Variants in NCOA4 observed in about 807,000 individuals in gnomAD.
NCOA4 encodes nuclear receptor coactivator 4, also known as 70 kDa AR-activator.
In NCOA4, 31 loss-of-function variants were observed where a neutral mutation model predicts 69.5. The observed-to-expected ratio is 0.45, with a 90% CI of 0.34 to 0.60. The LOEUF (loss-of-function observed/expected upper bound fraction) is 0.60. Ranked by LOEUF, NCOA4 falls within the 20% of genes least tolerant of loss-of-function variation. The pLI is 0.02. For missense variants in NCOA4, 600 were observed against 719.2 expected, an observed-to-expected ratio of 0.83 and a Z score of 1.90; for synonymous variants, 228 against 252.4, an observed-to-expected ratio of 0.90 and a Z score of 0.92.
chr10:46,008,019 T>C (rs1838956644), intron 9 of NCOA4, among the ~76,000 whole-genome samples: 1 of 152,204 alleles, frequency 6.6e-6, no homozygotes, highest in Non-Finnish European at 1.5e-5. Context: ...CAGCATGGTT[T>C]ACTGAATATT....
intron 1 of NCOA4, among the ~76,000 whole-genome samples, chr10:46,025,163 G>A (rs1357879947): frequency 6.6e-6 from 1 of 152,180 alleles, no homozygotes; most frequent in African/African-American, 2.4e-5. Flanking sequence ...GAAGCCAAAG[G>A]CCTGAGAACC....
chr10:46,024,939 A>G (rs1554925237), intron 1 of NCOA4, among the ~76,000 whole-genome samples: 2 of 152,186 alleles, frequency 1.3e-5, no homozygotes, highest in African/African-American at 4.8e-5. Flanking sequence ...GAGATGGAAC[A>G]TTATATAGAC....
chr10:46,013,486 T>C, intron 6 of NCOA4, 64 bp downstream of exon 6: 2 of 1,228,232 alleles, frequency 1.6e-6, no homozygotes, highest in Middle Eastern at 1.9e-4. Context: ...TAATGCTATA[T>C]AAAACCCAAA....
At position 46,006,241 on chromosome 10, in the gene NCOA4, G is replaced by C. The variant is rs11548236; in HGVS notation, c.*351C>G. ...GCTTTAGAATACATCAATATACTTC[G>C]ATAAACAAGAGTGTTTTAATGTACT... On this transcript the variant is annotated 3_prime_UTR_variant, in exon 10 of 10. Coordinates refer to ENST00000581486, the MANE Select transcript of NCOA4 (RefSeq NM_001145263.2). The C allele has an allele frequency of 0.058, 18,920 of 327,474 alleles. 620 individuals carry two copies. The highest frequency in any genetic ancestry group is 0.076 in the Non-Finnish European group (13,141 of 174,022). 20.3% of individuals were successfully genotyped at this position (327,474 alleles called of 1,614,324 possible).
chr10:46,016,510 G>GA, intron 2 of NCOA4, 30 bp downstream of exon 2: 1 of 1,414,590 alleles, frequency 7.1e-7, no homozygotes, highest in Non-Finnish European at 9.4e-7. Flanking sequence ...CAAGAGTCCA[G>GA]ACAACAGAAG....
chr10:46,008,813 C>G (rs1839010844), intron 9 of NCOA4, among the ~76,000 whole-genome samples: 1 of 152,202 alleles, frequency 6.6e-6, no homozygotes, highest in South Asian at 2.1e-4. Flanking sequence ...TTTAAAGAAA[C>G]TGACAGAGCC....
Position 46,014,885 on chromosome 10 carries a change from G to C in NCOA4, c.340C>G (p.Leu114Val), listed in dbSNP as rs1248362635. 2.5e-6 allele frequency: 4 copies of C among 1,614,012 alleles called. No homozygotes were observed. Among genetic ancestry groups the C allele is most frequent in the Non-Finnish European group, 3.4e-6 (4 of 1,180,010 alleles). Residue 114 changes from leucine (L) to valine (V), a missense_variant, in exon 4 of 10, where the codon CTA becomes GTA. By Grantham distance (32) the Leu-to-Val change is conservative. Coordinates refer to ENST00000581486, the MANE Select transcript of NCOA4 (RefSeq NM_001145263.2). ...HQLECTQNKD[L>V]ANQVSVCLER... ...AGGCACACAGAGACTTGATTGGCTA[G>C]ATCTTTGTTTTGGGTACACTCCAGT...
In NCOA4 at chr10:46,005,536, AT is replaced by A. The variant is rs1838761613; in HGVS notation, c.*1055del. 4.5e-6 allele frequency: 1 copy of A among 220,986 alleles called. No homozygotes were observed. The highest frequency in any genetic ancestry group is 9.1e-6 in the Non-Finnish European group (1 of 110,030). 13.7% of individuals were successfully genotyped at this position (220,986 alleles called of 1,614,324 possible). The stretch of plus-strand genomic sequence containing the variant: ...CTCTCCTACACAGACATTTTAAAGC[AT>A]GGACGTAACTTTAAGGAGACTGAGA... On this transcript the variant is annotated 3_prime_UTR_variant, in exon 10 of 10. Coordinates refer to ENST00000581486, the MANE Select transcript of NCOA4 (RefSeq NM_001145263.2).
chr10:46,011,943 C>T (rs1272747787), intron 7 of NCOA4, among the ~76,000 whole-genome samples: 2 of 151,518 alleles, frequency 1.3e-5, no homozygotes, highest in East Asian at 3.9e-4. Flanking sequence ...CGCCTGTAAT[C>T]CCAGCTACTC....
intron 9 of NCOA4, 125 bp downstream of exon 9, chr10:46,009,286 G>C: frequency 6.8e-7 from 1 of 1,468,542 alleles, no homozygotes; most frequent in East Asian, 2.4e-5. Context: ...ACCCTCACTT[G>C]CCTAATATAC....
intron 1 of NCOA4, among the ~76,000 whole-genome samples, chr10:46,028,428 A>C (rs1840273211): frequency 2.0e-5 from 3 of 152,038 alleles, no homozygotes; most frequent in Non-Finnish European, 2.9e-5. Flanking sequence ...TTACTGAGTA[A>C]ATGAATTCAG....
intron 1 of NCOA4, chr10:46,022,521 A>C (rs782289574): frequency 2.2e-6 from 1 of 447,308 alleles, no homozygotes; most frequent in Non-Finnish European, 4.5e-6. Context: ...GCTGGAGTGC[A>C]GTGGCGCGAT....
At chr10:46,016,432 CA>C (rs1362837794) in intron 2 of NCOA4, 107 bp downstream of exon 2, 3 of 1,016,998 alleles carry the variant, frequency 2.9e-6, no homozygotes, top group African/African-American at 3.3e-5. Context: ...CCACGCAAGG[CA>C]TGGGGTGAAA....
chr10:46,006,659 T>C (rs558416554), intron 9 of NCOA4, 62 bp from the exon 10 acceptor site: 2 of 1,542,510 alleles, frequency 1.3e-6, no homozygotes, highest in South Asian at 1.1e-5. Flanking sequence ...AAATTTTCCC[T>C]GCCTTAAAGC....
At chr10:46,029,002 C>T (rs1280047222) in intron 1 of NCOA4, among the ~76,000 whole-genome samples, 3 of 148,918 alleles carry the variant, frequency 2.0e-5, no homozygotes, top group African/African-American at 7.5e-5. Context: ...TACACCGGAT[C>T]CTGAGATTCT....
chr10:46,023,534 G>C (rs1374773900), intron 1 of NCOA4: 3 of 985,084 alleles, frequency 3.0e-6, no homozygotes, highest in Non-Finnish European at 3.6e-6. Context: ...TTGTTGCCCT[G>C]CTCCCAGCCA....
chr10:46,015,322 C>A, intron 2 of NCOA4, 56 bp from the exon 3 acceptor site: 1 of 1,427,294 alleles, frequency 7.0e-7, no homozygotes. Context: ...ATGATGTTTC[C>A]CAAAGAATAG....
Position 46,005,545 on chromosome 10 carries a change from A to G in NCOA4, c.*1047T>C, listed in dbSNP as rs1477871884. ...ACAGACATTTTAAAGCATGGACGTAACTTTAAGGAGACTGAGAAAACATCA... is the reference window on the plus strand; with the variant it reads ...ACAGACATTTTAAAGCATGGACGTAGCTTTAAGGAGACTGAGAAAACATCA... On this transcript the variant is annotated 3_prime_UTR_variant, in exon 10 of 10. Transcript: ENST00000581486. 2.3e-5 allele frequency: 5 copies of G among 221,142 alleles called. No individual in the cohort carries two copies. Among genetic ancestry groups the G allele is most frequent in the Non-Finnish European group, 4.5e-5 (5 of 110,124 alleles). 13.7% of individuals were successfully genotyped at this position (221,142 alleles called of 1,614,324 possible).
intron 8 of NCOA4, 108 bp downstream of exon 8, chr10:46,010,105 TTGCAATGAGC>T (rs1474728772): frequency 7.9e-7 from 1 of 1,261,878 alleles, no homozygotes; most frequent in African/African-American, 1.5e-5. Context: ...GAAGGGGAGG[TTGCAATGAGC>T]TGAGATCGCA....
Sources: gnomAD v4.1 joint callset for allele counts (sites outside exome capture counted in the v4.1 genomes callset) on GRCh38, gnomAD v4.1.1 for gene constraint, MANE v1.5 for transcripts, NCBI Gene and HGNC (gene_info 2026-07-23, HGNC 2026-07-21) for gene names.